Variants in SEZ6L observed in about 807,000 individuals in gnomAD.
SEZ6L encodes seizure related 6 homolog like, also known as seizure 6-like protein.
In SEZ6L, 37 loss-of-function variants were observed where a neutral mutation model predicts 106.2. The ratio of observed to expected loss-of-function variants is 0.35; its 90% CI spans 0.27 to 0.46. The LOEUF is 0.46. Among genes scored for constraint, SEZ6L ranks in the 20% least tolerant of loss-of-function variants. The pLI, the probability that SEZ6L is intolerant of heterozygous loss-of-function variation, is 1.00. For missense variants in SEZ6L, 1,172 were observed against 1,332.8 expected (o/e 0.88, Z 1.88); for synonymous variants, 541 against 570.4 (o/e 0.95, Z 0.73).
At chr22:26,284,281 T>G in intron 1 of SEZ6L, among the ~76,000 whole-genome samples, 1 of 152,220 alleles carries the variant, frequency 6.6e-6, no homozygotes, top group African/African-American at 2.4e-5. Flanking sequence ...AATATGTAAG[T>G]GTTTTTATAT....
At chr22:26,322,377 G>A (rs749575599) in intron 9 of SEZ6L, among the ~76,000 whole-genome samples, 10 of 152,190 alleles carry the variant, frequency 6.6e-5, no homozygotes, top group Non-Finnish European at 1.3e-4. Flanking sequence ...CGGCAATGTA[G>A]CAGCGACACG....
chr22:26,210,079 A>AT (rs1244107794), intron 1 of SEZ6L, among the ~76,000 whole-genome samples: 1 of 151,948 alleles, frequency 6.6e-6, no homozygotes, highest in Non-Finnish European at 1.5e-5. Context: ...AAAAAATATC[A>AT]TTTGTTTGTG....
At chr22:26,294,210 A>G in intron 2 of SEZ6L, 82 bp from the exon 3 acceptor site, 3 of 1,421,044 alleles carry the variant, frequency 2.1e-6, no homozygotes, top group Non-Finnish European at 2.9e-6. Flanking sequence ...GTTCCCCTAA[A>G]GCCCCCATTC....
intron 1 of SEZ6L, among the ~76,000 whole-genome samples, chr22:26,203,418 C>T (rs925046491): frequency 1.3e-5 from 2 of 152,324 alleles, no homozygotes; most frequent in Non-Finnish European, 2.9e-5. Flanking sequence ...AGCCTCTGAG[C>T]TCTCTGAGAT....
At chr22:26,261,197 G>T (rs2145818095) in intron 1 of SEZ6L, among the ~76,000 whole-genome samples, 1 of 152,272 alleles carries the variant, frequency 6.6e-6, no homozygotes, top group Middle Eastern at 3.4e-3. Context: ...TGTTTACTCT[G>T]CTGACTGTTA....
chr22:26,351,182 G>A lies in SEZ6L; in HGVS notation c.2538G>A (p.Leu846=). 1 of 1,614,180 alleles carries A rather than the reference G, an allele frequency of 6.2e-7. No homozygotes were observed. Among genetic ancestry groups the A allele is most frequent in the Non-Finnish European group, 8.5e-7 (1 of 1,180,036 alleles). ...TTGTGCTTGAAGGGAGTTCTCTTCTGACCTGCTACAGCCGTGAAACAGGGA... is the reference window on the plus strand; with the variant it reads ...TTGTGCTTGAAGGGAGTTCTCTTCTAACCTGCTACAGCCGTGAAACAGGGA... ...PGFVLEGSSL[L]TCYSRETGTP... is the part of the protein sequence containing the mutation. Residue 846 remains leucine, a synonymous_variant, in exon 12 of 17, where the codon CTG becomes CTA. Coordinates refer to ENST00000248933, the MANE Select transcript of SEZ6L (RefSeq NM_021115.5).
intron 9 of SEZ6L, among the ~76,000 whole-genome samples, chr22:26,337,706 G>T (rs951770790): frequency 1.3e-5 from 2 of 152,178 alleles, no homozygotes; most frequent in Non-Finnish European, 2.9e-5. Flanking sequence ...TGTCAGGGGG[G>T]TAGGAGGAGT....
At chr22:26,327,004 C>T (rs1054387203) in intron 9 of SEZ6L, among the ~76,000 whole-genome samples, 1 of 152,166 alleles carries the variant, frequency 6.6e-6, no homozygotes, top group African/African-American at 2.4e-5. Flanking sequence ...GGTGTTCTGG[C>T]CGCTCGGATT....
chr22:26,275,095 T>C lies in SEZ6L; in HGVS notation c.95-17311T>C, dbSNP rs142181200. On this transcript the variant is annotated intron_variant, in intron 1 of 16. Coordinates refer to ENST00000248933, the MANE Select transcript of SEZ6L (RefSeq NM_021115.5). ...AGCCAAGCTCAAGGGCCAAACCTTT[T>C]TTCAGACTGTGCAGGGTGTGGACAA... Among the ~76,000 whole-genome samples, 256 of 152,358 alleles carry C rather than the reference T, an allele frequency of 1.7e-3. 2 individuals are homozygous for C. The highest frequency in any genetic ancestry group is 5.8e-3 in the African/African-American group (241 of 41,594).
intron 1 of SEZ6L, among the ~76,000 whole-genome samples, chr22:26,189,216 A>G (rs2145651178): frequency 6.6e-6 from 1 of 152,362 alleles, no homozygotes; most frequent in South Asian, 2.1e-4. Context: ...TGTGAGGTAG[A>G]TACCATTATT....
intron 11 of SEZ6L, among the ~76,000 whole-genome samples, chr22:26,348,629 A>AG (rs2083113854): frequency 2.9e-5 from 1 of 34,276 alleles, no homozygotes; most frequent in African/African-American, 1.9e-4. Flanking sequence ...AGAAAGAAAG[A>AG]AAGAAAGAAA....
At chr22:26,259,743 G>A (rs544753961) in intron 1 of SEZ6L, among the ~76,000 whole-genome samples, 1 of 152,200 alleles carries the variant, frequency 6.6e-6, no homozygotes, top group South Asian at 2.1e-4. Context: ...AAATGCCATT[G>A]TGTTCTGGGC....
chr22:26,194,741 T>C (rs1407085730), intron 1 of SEZ6L, among the ~76,000 whole-genome samples: 2 of 152,178 alleles, frequency 1.3e-5, no homozygotes, highest in East Asian at 3.9e-4. Context: ...TTACAAGCTG[T>C]GCAAACAAAG....
chr22:26,274,186 T>C (rs1017879517), intron 1 of SEZ6L, among the ~76,000 whole-genome samples: 1 of 152,200 alleles, frequency 6.6e-6, no homozygotes, highest in Non-Finnish European at 1.5e-5. Flanking sequence ...AGTTTCCTCT[T>C]TTGTAAAATG....
At chr22:26,189,460 GCTT>G in intron 1 of SEZ6L, among the ~76,000 whole-genome samples, 1 of 152,262 alleles carries the variant, frequency 6.6e-6, no homozygotes, top group African/African-American at 2.4e-5. Context: ...GTATCTGAGA[GCTT>G]CTCATCTGAG....
chr22:26,197,248 T>C (rs1010321729), intron 1 of SEZ6L, among the ~76,000 whole-genome samples: 1 of 152,220 alleles, frequency 6.6e-6, no homozygotes, highest in African/African-American at 2.4e-5. Context: ...TTGTTCCCTA[T>C]TGATTCCCAG....
In SEZ6L at chr22:26,308,986, C is replaced by G. The variant is rs2081729499; in HGVS notation, c.1515-1684C>G. 2.6e-5 allele frequency among the ~76,000 whole-genome samples: 4 copies of G among 152,310 alleles called. No homozygotes were observed. In the South Asian group the frequency reaches 8.3e-4, roughly 32 times the overall value. ...CCACTCCTGGAATGCCCCCTGGACT[C>G]TACCACAGCCCCCATCCTTGCCTCA... is the stretch of plus-strand genomic sequence containing the variant. On this transcript the variant is annotated intron_variant, in intron 6 of 16. Transcript: ENST00000248933.
chr22:26,341,155 C>G (rs1277068073), intron 10 of SEZ6L, among the ~76,000 whole-genome samples: 1 of 152,224 alleles, frequency 6.6e-6, no homozygotes, highest in African/African-American at 2.4e-5. Context: ...TGAACAAGGA[C>G]AGCCTTCCTT....
chr22:26,233,276 G>T (rs1031418469), intron 1 of SEZ6L, among the ~76,000 whole-genome samples: 2 of 152,158 alleles, frequency 1.3e-5, no homozygotes, highest in African/African-American at 4.8e-5. Context: ...CTCATGCGGC[G>T]CCTCTTCCTG....
Sources: gnomAD v4.1 joint callset for allele counts (sites outside exome capture counted in the v4.1 genomes callset) on GRCh38, gnomAD v4.1.1 for gene constraint, MANE v1.5 for transcripts, NCBI Gene and HGNC (gene_info 2026-07-23, HGNC 2026-07-21) for gene names.